The following ANKRD45 variants were observed in gnomAD, a reference collection of about 807,000 sequenced individuals.
ANKRD45 encodes the protein ankyrin repeat domain-containing protein 45.
Under a neutral mutation model 28.1 loss-of-function variants are expected in ANKRD45, and 21 were observed. That is an observed-to-expected ratio of 0.75 (90% CI 0.53 to 1.08). The LOEUF is 1.08. ANKRD45 is among the 50% of genes least tolerant of loss of function. ANKRD45 has a pLI of 0.00. For missense variants in ANKRD45, 261 were observed against 308.7 expected (o/e 0.85, Z 1.16); for synonymous variants, 86 against 103.9 (o/e 0.83, Z 1.05).
the ANKRD45 span, among the ~76,000 whole-genome samples, chr1:173,700,647 C>A: frequency 3.3e-5 from 5 of 152,288 alleles, no homozygotes; most frequent in Admixed American, 2.0e-4. Flanking sequence ...GGATCCCTTC[C>A]TTACACCTTA....
chr1:173,659,870 G>C (rs757543262), intron 1 of ANKRD45, among the ~76,000 whole-genome samples: 4 of 152,174 alleles, frequency 2.6e-5, no homozygotes, highest in Non-Finnish European at 5.9e-5. Flanking sequence ...AATTCATTCA[G>C]TCAGTAACAC....
chr1:173,661,419 T>C (rs1558146510), intron 1 of ANKRD45, among the ~76,000 whole-genome samples: 1 of 152,150 alleles, frequency 6.6e-6, no homozygotes, highest in Non-Finnish European at 1.5e-5. Context: ...TGGTTAAGTA[T>C]AGGCCATTCA....
chr1:173,683,892 G>A, the ANKRD45 span, among the ~76,000 whole-genome samples: 4 of 152,170 alleles, frequency 2.6e-5, no homozygotes. Flanking sequence ...ATGGAGCAAT[G>A]GTGAGCGCAC....
intron 5 of ANKRD45, among the ~76,000 whole-genome samples, chr1:173,612,265 A>G (rs1667188082): frequency 6.7e-6 from 1 of 148,702 alleles, no homozygotes; most frequent in East Asian, 2.0e-4. Context: ...AAAGAAAAGA[A>G]AGAGAGAGAG....
At chr1:173,703,346 G>T in the ANKRD45 span, among the ~76,000 whole-genome samples, 39 of 152,060 alleles carry the variant, frequency 2.6e-4, no homozygotes, top group East Asian at 2.5e-3. Context: ...TGGGACTACA[G>T]GCGCCTGCCA....
intron 5 of ANKRD45, among the ~76,000 whole-genome samples, chr1:173,621,229 A>G (rs1667687901): frequency 6.6e-6 from 1 of 152,216 alleles, no homozygotes; most frequent in South Asian, 2.1e-4. Context: ...CCAGAGGTAT[A>G]AAGAAGAGCT....
intron 1 of ANKRD45, among the ~76,000 whole-genome samples, chr1:173,660,806 T>G (rs1669741560): frequency 6.6e-6 from 1 of 152,164 alleles, no homozygotes; most frequent in African/African-American, 2.4e-5. Context: ...CTGGCCCAGT[T>G]AACCTTGAGG....
chr1:173,711,105 T>C, the ANKRD45 span, among the ~76,000 whole-genome samples: 17 of 152,316 alleles, frequency 1.1e-4, no homozygotes, highest in East Asian at 3.3e-3. Flanking sequence ...ATTTTATACA[T>C]TGGAAACAAG....
the ANKRD45 span, among the ~76,000 whole-genome samples, chr1:173,691,395 G>C: frequency 1.8e-4 from 27 of 152,166 alleles, no homozygotes; most frequent in Non-Finnish European, 3.2e-4. Context: ...GTAATCACAG[G>C]CGAGCCCCCA....
intron 1 of ANKRD45, 145 bp downstream of exon 1, chr1:173,669,672 C>A: frequency 2.8e-6 from 1 of 360,920 alleles, no homozygotes; most frequent in Non-Finnish European, 5.7e-6. Context: ...AAGCTCTGGA[C>A]AGAAGCAGTG....
intron 1 of ANKRD45, among the ~76,000 whole-genome samples, chr1:173,663,616 A>G (rs1669881667): frequency 6.6e-6 from 1 of 152,200 alleles, no homozygotes; most frequent in South Asian, 2.1e-4. Context: ...CACATGTCCA[A>G]ATAGTAAGCG....
chr1:173,659,441 C>CA lies in ANKRD45; in HGVS notation c.-15-9dup, dbSNP rs1450969455. ...CATTAACTCCAAAAATACCTATGACCAAAAAAATAAAAAAGTGATAAAAAT... is the reference window on the plus strand; with the variant it reads ...CATTAACTCCAAAAATACCTATGACCAAAAAAAATAAAAAAGTGATAAAAAT... On this transcript the variant is annotated splice_polypyrimidine_tract_variant and intron_variant, in intron 1 of 5. Coordinates refer to ENST00000333279, the MANE Select transcript of ANKRD45 (RefSeq NM_198493.3). The CA allele has an allele frequency of 1.7e-5, 26 of 1,492,032 alleles. No homozygotes were observed. Among genetic ancestry groups the CA allele is most frequent in the African/African-American group, 4.2e-5 (3 of 71,040 alleles). 92.4% of individuals were successfully genotyped at this position (1,492,032 alleles called of 1,614,324 possible). A position where few individuals can be genotyped will look rare whatever the true frequency, so the allele number is the denominator to read the frequency against.
At chr1:173,620,605 TG>T (rs1168386015) in intron 5 of ANKRD45, among the ~76,000 whole-genome samples, 3 of 151,884 alleles carry the variant, frequency 2.0e-5, no homozygotes, top group Non-Finnish European at 4.4e-5. Context: ...TGTTGTGGGT[TG>T]GGGGGAGGGA....
At chr1:173,714,899 G>A in the ANKRD45 span, 1 of 152,246 alleles carries the variant, frequency 6.6e-6, no homozygotes, top group Non-Finnish European at 1.5e-5. Flanking sequence ...GTGGGTTCCT[G>A]CGGGAACGAT....
the ANKRD45 span, among the ~76,000 whole-genome samples, chr1:173,706,301 C>CAA: frequency 0.084 from 7,817 of 93,406 alleles, 1,055 homozygotes; most frequent in African/African-American, 0.27. Flanking sequence ...GATTCCGTCT[C>CAA]AAAAAAAAAA....
intron 3 of ANKRD45, among the ~76,000 whole-genome samples, chr1:173,646,229 G>A (rs569061238): frequency 6.6e-5 from 10 of 152,100 alleles, no homozygotes; most frequent in East Asian, 1.9e-4. Flanking sequence ...TTTGAACTTC[G>A]TATTGAAGTA....
the ANKRD45 span, among the ~76,000 whole-genome samples, chr1:173,698,472 T>C: frequency 1.3e-5 from 2 of 152,146 alleles, no homozygotes; most frequent in Non-Finnish European, 2.9e-5. Flanking sequence ...ACAAACTGTC[T>C]CTCAGACCAC....
At chr1:173,631,384 C>A (rs1668189311) in intron 3 of ANKRD45, among the ~76,000 whole-genome samples, 1 of 152,032 alleles carries the variant, frequency 6.6e-6, no homozygotes, top group Admixed American at 6.6e-5. Flanking sequence ...GTGGAGACTT[C>A]AACACCCCAC....
intron 3 of ANKRD45, among the ~76,000 whole-genome samples, chr1:173,637,735 G>A (rs1417454444): frequency 2.0e-5 from 3 of 152,232 alleles, no homozygotes; most frequent in Non-Finnish European, 4.4e-5. Flanking sequence ...CTAGCAAGCA[G>A]CACCCTTTCT....
Sources: allele counts gnomAD v4.1 joint callset (sites outside exome capture counted in the v4.1 genomes callset), GRCh38; gene constraint gnomAD v4.1.1; transcripts MANE v1.5; gene names NCBI Gene and HGNC (gene_info 2026-07-23, HGNC 2026-07-21).